NRXN1: variants seen among roughly 807,000 people sequenced by gnomAD.
NRXN1 encodes the protein neurexin 1.
Under a neutral mutation model 150.9 loss-of-function variants are expected in NRXN1, and 39 were observed. The observed-to-expected ratio is 0.26, with a 90% CI of 0.20 to 0.34. The LOEUF (loss-of-function observed/expected upper bound fraction) is 0.34. NRXN1 is among the 10% of genes least tolerant of loss of function. The pLI is 1.00. For synonymous variants in NRXN1, 924 were observed against 757.0 expected (o/e 1.22, Z -3.62); for missense variants, 1,815 against 1,949.9 (o/e 0.93, Z 1.30).
intron 17 of NRXN1, among the ~76,000 whole-genome samples, chr2:50,254,680 G>GAA (rs143643236): frequency 6.6e-6 from 1 of 151,910 alleles, no homozygotes; most frequent in African/African-American, 2.4e-5. Context: ...AACAGCAAAA[G>GAA]AAATAAAAAA....
intron 12 of NRXN1, among the ~76,000 whole-genome samples, chr2:50,517,948 T>C (rs1573364792): frequency 6.6e-6 from 1 of 152,258 alleles, no homozygotes; most frequent in East Asian, 1.9e-4. Context: ...GCTCTATTTC[T>C]TCTGGCCTAT....
intron 8 of NRXN1, among the ~76,000 whole-genome samples, chr2:50,609,782 A>G (rs12472163): frequency 0.21 from 32,411 of 152,064 alleles, 4,306 homozygotes; most frequent in East Asian, 0.39. Flanking sequence ...TTCACTTACT[A>G]TGACCTTGAT....
At chr2:50,375,753 AT>A (rs1323831167) in intron 17 of NRXN1, among the ~76,000 whole-genome samples, 2 of 151,908 alleles carry the variant, frequency 1.3e-5, no homozygotes, top group East Asian at 3.9e-4. Flanking sequence ...ATATGATATA[AT>A]TTTTTATCAT....
chr2:50,843,215 T>C (rs1196572187), intron 5 of NRXN1, among the ~76,000 whole-genome samples: 1 of 152,180 alleles, frequency 6.6e-6, no homozygotes, highest in Non-Finnish European at 1.5e-5. Context: ...ATGGCTCTTC[T>C]TCCACAAGCC....
intron 2 of NRXN1, among the ~76,000 whole-genome samples, chr2:50,937,425 G>C (rs141331148): frequency 1.5e-3 from 229 of 152,240 alleles, no homozygotes; most frequent in African/African-American, 5.2e-3. Flanking sequence ...ATGGGAATGA[G>C]TATGTTTCTT....
intron 17 of NRXN1, among the ~76,000 whole-genome samples, chr2:50,446,863 T>C (rs890017592): frequency 1.3e-5 from 2 of 152,132 alleles, no homozygotes; most frequent in Non-Finnish European, 2.9e-5. Flanking sequence ...CAAATTTAGA[T>C]GTTAAGTACT....
intron 5 of NRXN1, among the ~76,000 whole-genome samples, chr2:50,708,882 G>GTGTGGC (rs1212313488): frequency 6.6e-6 from 1 of 152,182 alleles, no homozygotes; most frequent in Non-Finnish European, 1.5e-5. Flanking sequence ...CAAGACCACT[G>GTGTGGC]TGTGAGCTTC....
At chr2:50,150,263 C>A (rs2058619312) in intron 18 of NRXN1, among the ~76,000 whole-genome samples, 1 of 151,752 alleles carries the variant, frequency 6.6e-6, no homozygotes, top group Admixed American at 6.6e-5. Flanking sequence ...GGCATGCAGT[C>A]TTCATGCATG....
rs113320338 is a variant in NRXN1 at position 50,952,336 on chromosome 2, A to G, written c.773-26381T>C. ...TATCTTTTCTCACACATACAAATAC[A>G]AGACAATTATAAACTTAATAAACAT... On this transcript the variant is annotated intron_variant, in intron 2 of 22. Coordinates refer to ENST00000401669, the MANE Select transcript of NRXN1 (RefSeq NM_001330078.2). 2.0e-3 allele frequency among the ~76,000 whole-genome samples: 300 copies of G among 152,328 alleles called. 4 individuals carry two copies. Among genetic ancestry groups the G allele is most frequent in the African/African-American group, 7.0e-3 (292 of 41,580 alleles).
intron 5 of NRXN1, among the ~76,000 whole-genome samples, chr2:50,634,879 T>G (rs1191832328): frequency 6.6e-6 from 1 of 152,158 alleles, no homozygotes; most frequent in Non-Finnish European, 1.5e-5. Context: ...TGACCTCTGC[T>G]GCCCTTCATG....
At position 50,346,868 on chromosome 2, in the gene NRXN1, C is replaced by T. The variant is rs1221890401; in HGVS notation, c.3365-109898G>A. 4.3e-6 allele frequency: 6 copies of T among 1,391,256 alleles called. No homozygotes were observed. The Admixed American group carries it at 1.8e-4, about 42-fold the overall frequency. 86.2% of individuals were successfully genotyped at this position (1,391,256 alleles called of 1,614,324 possible). A position where few individuals can be genotyped will look rare whatever the true frequency, so the allele number is the denominator to read the frequency against. On this transcript the variant is annotated intron_variant, in intron 17 of 22. Coordinates refer to ENST00000401669, the MANE Select transcript of NRXN1 (RefSeq NM_001330078.2). This position sits in a 1 kb window ranked among gnomAD's most constrained non-coding sequence, Gnocchi z 5.0. ...ATCCAAAGCAGGGCCAGGCGCCCCCCTGCGCCGCCGCCGCCGCCGCCGCCG... is the reference window on the plus strand; with the variant it reads ...ATCCAAAGCAGGGCCAGGCGCCCCCTTGCGCCGCCGCCGCCGCCGCCGCCG...
rs930976475 is a variant in NRXN1, at chr2:50,835,665, GAAT to G, written c.832+86201_832+86203del. 3.7e-4 allele frequency among the ~76,000 whole-genome samples: 57 copies of G among 152,166 alleles called. 1 individual carries two copies. Among genetic ancestry groups the G allele is most frequent in the Admixed American group, 3.3e-3 (50 of 15,300 alleles). On this transcript the variant is annotated intron_variant, in intron 5 of 22. Coordinates refer to ENST00000401669, the MANE Select transcript of NRXN1 (RefSeq NM_001330078.2). ...TGAGATAATTATATTAATCCTAAAT[GAAT>G]AATAATTCTTCAAAAATAAAAATAA...
At chr2:50,892,668 T>C (rs1319749826) in intron 5 of NRXN1, among the ~76,000 whole-genome samples, 3 of 152,160 alleles carry the variant, frequency 2.0e-5, no homozygotes, top group Non-Finnish European at 4.4e-5. Context: ...TAAAGTTCTA[T>C]TGAGTCTGAG....
intron 2 of NRXN1, among the ~76,000 whole-genome samples, chr2:51,023,075 C>A (rs146492496): frequency 6.6e-6 from 1 of 152,302 alleles, no homozygotes; most frequent in Non-Finnish European, 1.5e-5. Context: ...CTTTAACTTC[C>A]TTCAAGAAAG....
intron 17 of NRXN1, among the ~76,000 whole-genome samples, chr2:50,445,663 G>A (rs1470269324): frequency 1.3e-5 from 2 of 152,154 alleles, no homozygotes; most frequent in African/African-American, 2.4e-5. Flanking sequence ...TACTCTGCAC[G>A]AGGAAATAAT....
At chr2:50,839,872 G>T (rs917216423) in intron 5 of NRXN1, among the ~76,000 whole-genome samples, 1 of 152,068 alleles carries the variant, frequency 6.6e-6, no homozygotes, top group Non-Finnish European at 1.5e-5. Context: ...AGGGAATATG[G>T]TTGTTGCTAT....
At chr2:50,901,787 C>A (rs765769605) in intron 5 of NRXN1, among the ~76,000 whole-genome samples, 35 of 152,128 alleles carry the variant, frequency 2.3e-4, no homozygotes, top group Non-Finnish European at 4.3e-4. Flanking sequence ...CAATAGTCCA[C>A]AAGTTCTTCA....
chr2:50,559,880 G>A (rs1031704731), intron 8 of NRXN1, among the ~76,000 whole-genome samples: 1 of 152,090 alleles, frequency 6.6e-6, no homozygotes, highest in Non-Finnish European at 1.5e-5. Flanking sequence ...CACAAAGATG[G>A]TCCTACTCAT....
In NRXN1 at chr2:50,658,411, G is replaced by GGTGGGTGTGTGT. The variant is rs1553935214; in HGVS notation, c.833-34797_833-34796insACACACACCCAC. On this transcript the variant is annotated intron_variant, in intron 5 of 22. Transcript: ENST00000401669. ...TTAATTTACAGGAAATGCATTCACT[G>GGTGGGTGTGTGT]GTGTGTGTGTGTGTGTGTGTGTGTG... Among the ~76,000 whole-genome samples the GGTGGGTGTGTGT allele has an allele frequency of 3.5e-5, 5 of 144,682 alleles. No individual in the cohort carries two copies. In the East Asian group the frequency reaches 8.4e-4, roughly 24 times the overall value. 94.9% of individuals were successfully genotyped at this position (144,682 alleles called of 152,430 possible). A position where few individuals can be genotyped will look rare whatever the true frequency, so the allele number is the denominator to read the frequency against.
Sources: gnomAD v4.1 joint callset for allele counts (sites outside exome capture counted in the v4.1 genomes callset) on GRCh38, gnomAD v4.1.1 for gene constraint, Gnocchi (gnomAD v3.1) non-coding constraint, MANE v1.5 for transcripts, NCBI Gene and HGNC (gene_info 2026-07-23, HGNC 2026-07-21) for gene names.